KALRN: variants seen among roughly 807,000 people sequenced by gnomAD.
The protein encoded by KALRN is kalirin RhoGEF kinase.
Under a neutral mutation model 353.7 loss-of-function variants are expected in KALRN, and 70 were observed. The ratio of observed to expected loss-of-function variants is 0.20; its 90% confidence interval spans 0.16 to 0.24. The LOEUF is 0.24. Among genes scored for constraint, KALRN ranks in the 10% least tolerant of loss-of-function variants. The pLI is 1.00. For missense variants in KALRN, 2,791 were observed against 3,756.7 expected (o/e 0.74, Z 6.72); for synonymous variants, 1,391 against 1,434.8 (o/e 0.97, Z 0.69).
chr3:124,345,214 A>T (rs933709542), intron 9 of KALRN, among the ~76,000 whole-genome samples: 1 of 152,204 alleles, frequency 6.6e-6, no homozygotes, highest in Non-Finnish European at 1.5e-5. Flanking sequence ...TCAAACCTCA[A>T]TTTGTTTTCA....
intron 10 of KALRN, among the ~76,000 whole-genome samples, chr3:124,360,359 T>C (rs1467076703): frequency 6.6e-6 from 1 of 152,166 alleles, no homozygotes; most frequent in African/African-American, 2.4e-5. Context: ...TGTATGTCAC[T>C]GGGCTGGAGC....
At chr3:124,712,785 C>A (rs144355899) in intron 57 of KALRN, 150 bp from the exon 58 acceptor site, 10 of 485,048 alleles carry the variant, frequency 2.1e-5, no homozygotes, top group Middle Eastern at 5.4e-4. Context: ...AAAATGGATT[C>A]TCTGAATAAC....
chr3:124,560,839 T>A lies in KALRN; in HGVS notation c.4936-2004T>A, dbSNP rs934809989. 2.0e-5 allele frequency among the ~76,000 whole-genome samples: 3 copies of A among 152,164 alleles called. No homozygotes were observed. The East Asian group carries it at 5.8e-4, about 29-fold the overall frequency. On this transcript the variant is annotated intron_variant, in intron 33 of 59. Coordinates refer to ENST00000682506, the MANE Select transcript of KALRN (RefSeq NM_001388419.1). ...CTGCAGTGAGCCAAGATTGCACCAC[T>A]GCATTCCAGCCTGGGTTTCAGAATG...
chr3:124,293,570 A>G (rs12495762), intron 5 of KALRN, among the ~76,000 whole-genome samples: 40,179 of 151,964 alleles, frequency 0.26, 6,424 homozygotes, highest in Non-Finnish European at 0.35. Flanking sequence ...TTTTCACTGG[A>G]TTTTAGCCAG....
chr3:124,538,834 C>T (rs1020929407), intron 33 of KALRN, among the ~76,000 whole-genome samples: 4 of 152,172 alleles, frequency 2.6e-5, no homozygotes, highest in Non-Finnish European at 4.4e-5. Flanking sequence ...TAAGTTAGAA[C>T]TTAAGAATGC....
intron 5 of KALRN, among the ~76,000 whole-genome samples, chr3:124,278,887 A>G (rs537995492): frequency 1.5e-4 from 23 of 152,072 alleles, no homozygotes; most frequent in Non-Finnish European, 3.1e-4. Flanking sequence ...AGCTTTCCCA[A>G]GGTTTCTTTC....
chr3:124,572,494 G>A (rs886097590), intron 34 of KALRN, among the ~76,000 whole-genome samples: 1 of 152,060 alleles, frequency 6.6e-6, no homozygotes, highest in Non-Finnish European at 1.5e-5. Context: ...AATCAGATGG[G>A]GTGGGAAGAA....
intron 1 of KALRN, among the ~76,000 whole-genome samples, chr3:124,213,703 G>T (rs143633454): frequency 0.011 from 1,675 of 152,142 alleles, 15 homozygotes; most frequent in Middle Eastern, 0.027. Context: ...GCATTTCAAA[G>T]GGATAAACCC....
At chr3:124,284,989 G>T (rs1039421298) in intron 5 of KALRN, among the ~76,000 whole-genome samples, 1 of 152,156 alleles carries the variant, frequency 6.6e-6, no homozygotes, top group Non-Finnish European at 1.5e-5. Flanking sequence ...ACAGCTGCCA[G>T]TTGTAACAGA....
At chr3:124,055,601 A>G (rs2041457435) in intron 1 of KALRN, among the ~76,000 whole-genome samples, 1 of 151,950 alleles carries the variant, frequency 6.6e-6, no homozygotes, top group Non-Finnish European at 1.5e-5. Flanking sequence ...TCCCCCTTAG[A>G]TTTTGGGTTT....
intron 37 of KALRN, among the ~76,000 whole-genome samples, chr3:124,649,645 G>A (rs2083159922): frequency 7.1e-6 from 1 of 141,842 alleles, no homozygotes; most frequent in Non-Finnish European, 1.5e-5. Context: ...AAAAAGATTA[G>A]CTGGATATGG....
At chr3:124,244,357 C>A (rs1261098911) in intron 3 of KALRN, among the ~76,000 whole-genome samples, 1 of 152,102 alleles carries the variant, frequency 6.6e-6, no homozygotes, top group African/African-American at 2.4e-5. Context: ...CTTGCCTCAG[C>A]CTCACAAGTA....
intron 1 of KALRN, among the ~76,000 whole-genome samples, chr3:124,144,135 T>C (rs2066985288): frequency 6.6e-6 from 1 of 152,096 alleles, no homozygotes; most frequent in South Asian, 2.1e-4. Flanking sequence ...CAGTTGTAGC[T>C]TCATGGAGTA....
At chr3:124,528,621 A>G (rs956979919) in intron 33 of KALRN, among the ~76,000 whole-genome samples, 1 of 152,172 alleles carries the variant, frequency 6.6e-6, no homozygotes, top group Non-Finnish European at 1.5e-5. Flanking sequence ...CCACCCTCCC[A>G]TTCATTGTGT....
At chr3:124,626,482 G>C (rs934347666) in intron 34 of KALRN, among the ~76,000 whole-genome samples, 2 of 152,114 alleles carry the variant, frequency 1.3e-5, no homozygotes, top group Non-Finnish European at 2.9e-5. Context: ...ACTATTTCAT[G>C]ATAAAATTCG....
intron 33 of KALRN, among the ~76,000 whole-genome samples, chr3:124,530,801 A>G (rs1412058608): frequency 6.6e-6 from 1 of 152,000 alleles, no homozygotes; most frequent in Non-Finnish European, 1.5e-5. Context: ...TCCCTTTCTT[A>G]ACTTTATTTT....
intron 34 of KALRN, among the ~76,000 whole-genome samples, chr3:124,620,480 T>A (rs1265275075): frequency 6.6e-6 from 1 of 152,178 alleles, no homozygotes; most frequent in African/African-American, 2.4e-5. Flanking sequence ...AAATGTGTGT[T>A]CCCTCTCCAG....
intron 10 of KALRN, among the ~76,000 whole-genome samples, chr3:124,369,227 T>C (rs1302644341): frequency 6.6e-6 from 1 of 152,274 alleles, no homozygotes; most frequent in Non-Finnish European, 1.5e-5. Context: ...TATTTCTAAA[T>C]GCACTCACAT....
intron 41 of KALRN, among the ~76,000 whole-genome samples, chr3:124,658,110 G>T (rs1417894865): frequency 6.6e-6 from 1 of 152,064 alleles, no homozygotes; most frequent in Non-Finnish European, 1.5e-5. Flanking sequence ...AGCCATGATG[G>T]CCCCACCCTG....
Sources: allele counts gnomAD v4.1 joint callset (sites outside exome capture counted in the v4.1 genomes callset), GRCh38; gene constraint gnomAD v4.1.1; transcripts MANE v1.5; gene names NCBI Gene and HGNC (gene_info 2026-07-23, HGNC 2026-07-21).